Variants in ANGPT2 observed in about 807,000 individuals in gnomAD.
ANGPT2 encodes angiopoietin 2.
In ANGPT2, 28 loss-of-function variants were observed where a neutral mutation model predicts 62.9. The ratio of observed to expected loss-of-function variants is 0.44; its 90% CI spans 0.33 to 0.61. ANGPT2 has a LOEUF of 0.61. Among genes scored for constraint, ANGPT2 ranks in the 20% least tolerant of loss-of-function variants. The pLI is 0.03. For missense variants in ANGPT2, 727 were observed against 594.9 expected (o/e 1.22, Z -2.31); for synonymous variants, 284 against 207.8 (o/e 1.37, Z -3.15).
chr8:6,562,697 G>T lies in ANGPT2; in HGVS notation c.238C>A (p.Leu80Met). The change falls in exon 1 of 9, where the codon CTG becomes ATG. Residue 80 changes from leucine (L) to methionine (M), a missense_variant. Leu to Met is a conservative substitution (Grantham distance 15). Coordinates refer to ENST00000629816, the MANE Select transcript of ANGPT2 (RefSeq NM_001118887.2). ...TCCATGATGTTCTCCAGCACTTGCAGCCTCTGCACCGAGTCATCGTATTCG... is the reference window on the plus strand; with the variant it reads ...TCCATGATGTTCTCCAGCACTTGCATCCTCTGCACCGAGTCATCGTATTCG... Reference protein sequence around the residue: ...PLEYDDSVQRLQVLENIMENN... With the variant: ...PLEYDDSVQRMQVLENIMENN... 2 of 1,610,436 alleles carry T rather than the reference G, an allele frequency of 1.2e-6. No homozygotes were observed. The highest frequency in any genetic ancestry group is 1.3e-5 in the African/African-American group (1 of 74,844).
At chr8:6,520,099 A>T in intron 4 of ANGPT2, 108 bp from the exon 5 acceptor site, 1 of 1,289,020 alleles carries the variant, frequency 7.8e-7, no homozygotes, top group South Asian at 1.6e-5. Context: ...GGAATTCTTA[A>T]GTAAGCAAAA....
chr8:6,548,252 C>G (rs142992787), intron 1 of ANGPT2, among the ~76,000 whole-genome samples: 51 of 152,250 alleles, frequency 3.3e-4, no homozygotes, highest in African/African-American at 1.2e-3. Flanking sequence ...AAATGCCTTT[C>G]CTGCACCCTG....
intron 2 of ANGPT2, among the ~76,000 whole-genome samples, chr8:6,531,571 C>A (rs563550658): frequency 1.3e-5 from 2 of 152,160 alleles, no homozygotes; most frequent in Non-Finnish European, 2.9e-5. Flanking sequence ...GAATTACAGG[C>A]GTGAGCTACT....
intron 1 of ANGPT2, among the ~76,000 whole-genome samples, chr8:6,560,771 T>C (rs1009117194): frequency 1.3e-5 from 2 of 152,228 alleles, no homozygotes; most frequent in Admixed American, 1.3e-4. Flanking sequence ...TTAAATGTTA[T>C]CTCAAAGACC....
At chr8:6,517,395 G>A (rs73522640) in intron 5 of ANGPT2, among the ~76,000 whole-genome samples, 1,625 of 152,302 alleles carry the variant, frequency 0.011, 30 homozygotes, top group African/African-American at 0.038. Context: ...GGTGTCCTGT[G>A]AAATTTAGGG....
At chr8:6,548,226 G>A (rs770942572) in intron 1 of ANGPT2, among the ~76,000 whole-genome samples, 38 of 152,102 alleles carry the variant, frequency 2.5e-4, no homozygotes, top group Non-Finnish European at 4.7e-4. Context: ...TAGAACCTAC[G>A]TGAAGGCTTT....
intron 1 of ANGPT2, among the ~76,000 whole-genome samples, chr8:6,559,697 C>T (rs1045007766): frequency 6.6e-6 from 1 of 152,158 alleles, no homozygotes; most frequent in Non-Finnish European, 1.5e-5. Context: ...CCTGTGGTCT[C>T]CTAGCAAAAT....
At chr8:6,558,586 T>C (rs1422877229) in intron 1 of ANGPT2, among the ~76,000 whole-genome samples, 1 of 152,158 alleles carries the variant, frequency 6.6e-6, no homozygotes, top group East Asian at 1.9e-4. Flanking sequence ...TTGACAACTG[T>C]AAAGAGCCAC....
At chr8:6,547,432 C>T (rs983209597) in intron 1 of ANGPT2, among the ~76,000 whole-genome samples, 1 of 152,104 alleles carries the variant, frequency 6.6e-6, no homozygotes, top group Non-Finnish European at 1.5e-5. Flanking sequence ...CACTCCACTG[C>T]CATAAGTTAT....
At chr8:6,549,107 C>T (rs1180488401) in intron 1 of ANGPT2, among the ~76,000 whole-genome samples, 1 of 152,208 alleles carries the variant, frequency 6.6e-6, no homozygotes, top group African/African-American at 2.4e-5. Flanking sequence ...AAACAGCTTT[C>T]AGTCAGTCCA....
At chr8:6,548,054 T>C (rs1822928768) in intron 1 of ANGPT2, among the ~76,000 whole-genome samples, 1 of 152,156 alleles carries the variant, frequency 6.6e-6, no homozygotes, top group Non-Finnish European at 1.5e-5. Flanking sequence ...GCTTAAACTT[T>C]GTGGTTTAGT....
chr8:6,556,067 G>T (rs1824558295), intron 1 of ANGPT2, among the ~76,000 whole-genome samples: 1 of 152,148 alleles, frequency 6.6e-6, no homozygotes, highest in East Asian at 1.9e-4. Flanking sequence ...CTCGTCTCAA[G>T]ATCGATGTCC....
chr8:6,511,539 A>G (rs1477882920), intron 7 of ANGPT2, among the ~76,000 whole-genome samples: 1 of 152,168 alleles, frequency 6.6e-6, no homozygotes, highest in Admixed American at 6.5e-5. Context: ...CACTTGGGGA[A>G]CATTTCTTCT....
At chr8:6,518,938 A>G (rs944260780) in intron 5 of ANGPT2, among the ~76,000 whole-genome samples, 13 of 151,820 alleles carry the variant, frequency 8.6e-5, no homozygotes, top group African/African-American at 3.1e-4. Flanking sequence ...TCTAAAGTTC[A>G]GTGTCTCCCA....
At chr8:6,547,971 A>C (rs568426752) in intron 1 of ANGPT2, among the ~76,000 whole-genome samples, 1 of 151,020 alleles carries the variant, frequency 6.6e-6, no homozygotes, top group Non-Finnish European at 1.5e-5. Flanking sequence ...TAATTTTATC[A>C]GTGGCAGTGA....
chr8:6,525,360 G>A (rs1314660760), intron 3 of ANGPT2, among the ~76,000 whole-genome samples: 1 of 152,156 alleles, frequency 6.6e-6, no homozygotes, highest in Non-Finnish European at 1.5e-5. Flanking sequence ...CATCCAAATA[G>A]GAGGGATTAC....
chr8:6,522,212 A>G (rs893154880), intron 3 of ANGPT2, among the ~76,000 whole-genome samples: 1 of 152,000 alleles, frequency 6.6e-6, no homozygotes, highest in African/African-American at 2.4e-5. Flanking sequence ...AAAATTCTCC[A>G]GGCGTGGTGG....
chr8:6,530,812 C>A (rs1410023389), intron 2 of ANGPT2, among the ~76,000 whole-genome samples: 2 of 152,174 alleles, frequency 1.3e-5, no homozygotes, highest in Non-Finnish European at 2.9e-5. Flanking sequence ...CCTCATCCAA[C>A]CATTTTTAGG....
At chr8:6,525,369 A>G (rs1818146694) in intron 3 of ANGPT2, among the ~76,000 whole-genome samples, 1 of 152,166 alleles carries the variant, frequency 6.6e-6, no homozygotes, top group South Asian at 2.1e-4. Context: ...AGGAGGGATT[A>G]CAGGTGTGTG....
Sources: gnomAD v4.1 joint callset for allele counts (sites outside exome capture counted in the v4.1 genomes callset) on GRCh38, gnomAD v4.1.1 for gene constraint, MANE v1.5 for transcripts, NCBI Gene and HGNC (gene_info 2026-07-23, HGNC 2026-07-21) for gene names.